The following JARID2 variants were observed in gnomAD, a reference collection of about 807,000 sequenced individuals.
JARID2 encodes jumonji and AT-rich interaction domain containing 2.
A neutral mutation model predicts 125.6 loss-of-function variants in JARID2; 21 were observed. The ratio of observed to expected loss-of-function variants is 0.17; its 90% confidence interval spans 0.12 to 0.24. JARID2 has a LOEUF of 0.24. Ranked by LOEUF, JARID2 falls within the 10% of genes least tolerant of loss-of-function variation. The probability of loss-of-function intolerance (pLI) is 1.00; values close to 1 mark genes in which losing one functional copy is unlikely to be tolerated. For synonymous variants in JARID2, 736 were observed against 661.6 expected (o/e 1.11, Z -1.73); for missense variants, 1,303 against 1,639.6 (o/e 0.79, Z 3.55).
At chr6:15,335,356 A>T (rs1360261463) in intron 1 of JARID2, among the ~76,000 whole-genome samples, 1 of 151,972 alleles carries the variant, frequency 6.6e-6, no homozygotes, top group Non-Finnish European at 1.5e-5. Context: ...CACTTCGGCC[A>T]CCCAAAGGGC....
chr6:15,392,007 G>A (rs1039789020), intron 2 of JARID2, among the ~76,000 whole-genome samples: 1 of 151,932 alleles, frequency 6.6e-6, no homozygotes. Context: ...GTCCTTTGGT[G>A]TGTGAAGGCA....
chr6:15,488,388 C>G (rs1280674649), intron 6 of JARID2, among the ~76,000 whole-genome samples: 3 of 152,230 alleles, frequency 2.0e-5, no homozygotes, highest in Non-Finnish European at 4.4e-5. Flanking sequence ...TCCTGTTCCC[C>G]CCTCCATTTT....
intron 2 of JARID2, among the ~76,000 whole-genome samples, chr6:15,388,071 T>G (rs1209809635): frequency 6.6e-6 from 1 of 152,182 alleles, no homozygotes; most frequent in African/African-American, 2.4e-5. Context: ...AGAGTGATAT[T>G]GTTCCCTGCT....
chr6:15,407,953 C>T (rs16876320), intron 2 of JARID2, among the ~76,000 whole-genome samples: 1,911 of 152,238 alleles, frequency 0.013, 36 homozygotes, highest in African/African-American at 0.043. Context: ...GTTATTCCCA[C>T]CTTGTGCTAT....
At chr6:15,295,728 ACCTCGGTTTACTGCAACCTCTGCCT>A (rs1199557536) in intron 1 of JARID2, among the ~76,000 whole-genome samples, 2 of 152,090 alleles carry the variant, frequency 1.3e-5, no homozygotes, top group Non-Finnish European at 2.9e-5. Flanking sequence ...GAGTGGCACA[ACCTCGGTTTACTGCAACCTCTGCCT>A]CCTGAGTTCA....
chr6:15,468,890 G>T (rs570446146), intron 5 of JARID2, among the ~76,000 whole-genome samples, 172 bp downstream of exon 5: 1 of 152,152 alleles, frequency 6.6e-6, no homozygotes, highest in Non-Finnish European at 1.5e-5. Context: ...GTGTAGTCCA[G>T]GGTGTTCTAG....
At chr6:15,519,654 C>T (rs13198512) in intron 17 of JARID2, among the ~76,000 whole-genome samples, 63,891 of 152,116 alleles carry the variant, frequency 0.42, 14,302 homozygotes, top group Middle Eastern at 0.56. Flanking sequence ...GAAGTGTTTG[C>T]ATTTACTTGC....
chr6:15,471,897 A>G (rs1382717709), intron 5 of JARID2, among the ~76,000 whole-genome samples: 1 of 152,216 alleles, frequency 6.6e-6, no homozygotes, highest in Non-Finnish European at 1.5e-5. Flanking sequence ...GGAAAGTGTA[A>G]CTATCTATAG....
intron 1 of JARID2, among the ~76,000 whole-genome samples, chr6:15,254,334 C>T (rs1405527745): frequency 6.6e-6 from 1 of 152,110 alleles, no homozygotes; most frequent in Non-Finnish European, 1.5e-5. Flanking sequence ...TTTCCCAGGG[C>T]TGTTGACTTT....
intron 1 of JARID2, among the ~76,000 whole-genome samples, chr6:15,292,268 G>A (rs373587006): frequency 6.6e-6 from 1 of 151,982 alleles, no homozygotes; most frequent in South Asian, 2.1e-4. Context: ...TGATCCGCCC[G>A]CCTCAGCCTC....
intron 3 of JARID2, among the ~76,000 whole-genome samples, chr6:15,446,403 C>CAGA (rs1451064167): frequency 2.0e-5 from 3 of 152,214 alleles, no homozygotes; most frequent in African/African-American, 7.2e-5. Context: ...GACTTCTGTG[C>CAGA]AGAGGCTTCT....
At chr6:15,275,044 T>TA (rs530098643) in intron 1 of JARID2, among the ~76,000 whole-genome samples, 81 of 152,310 alleles carry the variant, frequency 5.3e-4, no homozygotes, top group African/African-American at 1.8e-3. Context: ...GTGATAGGAT[T>TA]AAAAACCTCT....
intron 1 of JARID2, among the ~76,000 whole-genome samples, chr6:15,274,639 C>T (rs1267416042): frequency 3.3e-5 from 5 of 152,082 alleles, no homozygotes; most frequent in Admixed American, 1.3e-4. Context: ...TTTCAGACCT[C>T]GACTTTTTGT....
At chr6:15,468,778 G>GA in intron 5 of JARID2, 60 bp downstream of exon 5, 1 of 1,515,774 alleles carries the variant, frequency 6.6e-7, no homozygotes. Flanking sequence ...AGAGCTGGAA[G>GA]AGAGCCTCTG....
chr6:15,374,603 A>G (rs1399697652), intron 2 of JARID2, among the ~76,000 whole-genome samples: 1 of 152,122 alleles, frequency 6.6e-6, no homozygotes, highest in Non-Finnish European at 1.5e-5. Context: ...GTTGTATAGG[A>G]AATAGCCTAA....
At chr6:15,337,769 AGTTAACGAAGGAACG>A (rs1291727381) in intron 1 of JARID2, among the ~76,000 whole-genome samples, 1 of 151,888 alleles carries the variant, frequency 6.6e-6, no homozygotes, top group African/African-American at 2.4e-5. Context: ...CTGATAGGGA[AGTTAACGAAGGAACG>A]GCCCCTGCTG....
At chr6:15,247,563 C>G (rs1312320725) in intron 1 of JARID2, 25 of 978,732 alleles carry the variant, frequency 2.6e-5, no homozygotes, top group Non-Finnish European at 2.9e-5. Context: ...GCCAAATGAA[C>G]ATACCTTAGG....
intron 2 of JARID2, among the ~76,000 whole-genome samples, chr6:15,394,968 G>T (rs1409523695): frequency 7.4e-5 from 11 of 149,440 alleles, no homozygotes; most frequent in African/African-American, 2.5e-4. Context: ...AATGGACATA[G>T]AATTTAAACC....
In JARID2 at chr6:15,520,774, A is replaced by T. The variant is rs532656308; in HGVS notation, c.*523A>T. ...GTGCCAGATGAGCTTGTGATCTGGG[A>T]AGCCGGGGCACCCCCGTTTTGTTTC... is the stretch of plus-strand genomic sequence containing the variant. On this transcript the variant is annotated 3_prime_UTR_variant, in exon 18 of 18. Coordinates refer to ENST00000341776, the MANE Select transcript of JARID2 (RefSeq NM_004973.4). 2 of 455,948 alleles carry T rather than the reference A, an allele frequency of 4.4e-6. No homozygotes were observed. The highest frequency in any genetic ancestry group is 8.8e-6 in the Non-Finnish European group (2 of 226,780). 28.2% of individuals were successfully genotyped at this position (455,948 alleles called of 1,614,324 possible). A position where few individuals can be genotyped will look rare whatever the true frequency, so the allele number is the denominator to read the frequency against.
Sources: gnomAD v4.1 joint callset for allele counts (sites outside exome capture counted in the v4.1 genomes callset) on GRCh38, gnomAD v4.1.1 for gene constraint, MANE v1.5 for transcripts, NCBI Gene and HGNC (gene_info 2026-07-23, HGNC 2026-07-21) for gene names.